Variants in GJC1 observed in about 807,000 individuals in gnomAD.
The protein encoded by GJC1 is gap junction gamma-1 protein.
In GJC1, 5 loss-of-function variants were observed where a neutral mutation model predicts 29.3. The observed-to-expected ratio is 0.17, with a 90% CI of 0.09 to 0.36. The LOEUF is 0.36. Among genes scored for constraint, GJC1 ranks in the 10% least tolerant of loss-of-function variants. The probability of loss-of-function intolerance (pLI) is 1.00; values close to 1 mark genes in which losing one functional copy is unlikely to be tolerated. For synonymous variants in GJC1, 177 were observed against 183.3 expected (o/e 0.97, Z 0.28); for missense variants, 310 against 496.2 (o/e 0.62, Z 3.56).
intron 1 of GJC1, among the ~76,000 whole-genome samples, chr17:44,821,402 C>T (rs1293403041): frequency 6.6e-6 from 1 of 152,042 alleles, no homozygotes; most frequent in East Asian, 1.9e-4. Flanking sequence ...TAAAAAAACC[C>T]AACCCATACC....
downstream of GJC1, chr17:44,794,321 T>A (rs1490497364): frequency 6.6e-6 from 1 of 152,262 alleles, no homozygotes; most frequent in Non-Finnish European, 1.5e-5. Flanking sequence ...CACTTCCCGA[T>A]GGTTTGAATG....
intron 1 of GJC1, among the ~76,000 whole-genome samples, chr17:44,814,327 A>C (rs1186587249): frequency 6.6e-6 from 1 of 151,338 alleles, no homozygotes; most frequent in Non-Finnish European, 1.5e-5. Context: ...TTTTTAGTAG[A>C]GATGGGGTTT....
At chr17:44,808,015 C>T (rs1255461003) in intron 1 of GJC1, 1 of 152,236 alleles carries the variant, frequency 6.6e-6, no homozygotes, top group Non-Finnish European at 1.5e-5. Flanking sequence ...AAAGAAAACA[C>T]CTGCATCTGT....
At position 44,804,480 on chromosome 17, in the gene GJC1, G is replaced by A. The variant is rs749291453; in HGVS notation, c.*147C>T. The A allele has an allele frequency of 1.6e-5, 10 of 642,342 alleles. No homozygotes were observed. The highest frequency in any genetic ancestry group is 6.1e-5 in the South Asian group (3 of 48,804). 39.8% of individuals were successfully genotyped at this position (642,342 alleles called of 1,614,324 possible). A position where few individuals can be genotyped will look rare whatever the true frequency, so the allele number is the denominator to read the frequency against. On this transcript the variant is annotated 3_prime_UTR_variant, in exon 3 of 3. Coordinates refer to ENST00000592524, the MANE Select transcript of GJC1 (RefSeq NM_005497.4). ...CCTTTCTCTCCCTCAGCCCAGCCCC[G>A]CCTCCAGAGTCCCCTGAGCTTGGAT...
intron 1 of GJC1, among the ~76,000 whole-genome samples, chr17:44,818,233 C>CA (rs1203754940): frequency 6.6e-6 from 1 of 151,796 alleles, no homozygotes; most frequent in African/African-American, 2.4e-5. Context: ...AACAAACAAA[C>CA]AAAAAAATGC....
intron 1 of GJC1, among the ~76,000 whole-genome samples, chr17:44,824,607 G>A (rs998095554): frequency 2.6e-5 from 4 of 151,948 alleles, no homozygotes; most frequent in African/African-American, 9.7e-5. Flanking sequence ...CAGACTGGGT[G>A]ACACAGTGAG....
chr17:44,804,986 G>A lies in GJC1; in HGVS notation c.832C>T (p.Pro278Ser). Residue 278 changes from proline to serine, a missense_variant, in exon 3 of 3, where the codon CCT (proline) becomes TCT (serine). Pro to Ser is a moderately conservative substitution (Grantham distance 74). This residue lies in a region of GJC1 where 146 missense variants were observed against 165.0 expected (regional missense o/e 0.88). Transcript: ENST00000592524. Reference protein sequence around the residue: ...ELEDPGAYNYPFTWNTPSAPP... With the variant: ...ELEDPGAYNYSFTWNTPSAPP... ...GCAGATGGTGTATTCCAAGTGAAAG[G>A]ATAATTATAAGCACCCGGATCCTCA... 1 of 1,614,040 alleles carries A rather than the reference G, an allele frequency of 6.2e-7. No individual in the cohort carries two copies. The highest frequency in any genetic ancestry group is 1.1e-5 in the South Asian group (1 of 91,084).
At chr17:44,797,182 T>C (rs1597734161), downstream of GJC1, among the ~76,000 whole-genome samples, 1 of 152,224 alleles carries the variant, frequency 6.6e-6, no homozygotes, top group South Asian at 2.1e-4. Flanking sequence ...CTTGGCTCAC[T>C]GCAAGCTTCG....
chr17:44,829,462 T>A (rs901254709), intron 1 of GJC1: 3 of 152,222 alleles, frequency 2.0e-5, no homozygotes, highest in African/African-American at 7.2e-5. Flanking sequence ...CAGGAGGCGA[T>A]GAGCCCAGTC....
In GJC1 at chr17:44,799,656, T is replaced by C. The variant is rs1211036660; in HGVS notation, c.*4971A>G. On this transcript the variant is annotated 3_prime_UTR_variant, in exon 3 of 3. Transcript: ENST00000592524. ...AAAACAGGCTGGGCACAGTGGCTTA[T>C]GCCTGTAATCCCAGCACCTTCGGAG... The C allele has an allele frequency of 1.3e-5, 2 of 152,362 alleles. No individual in the cohort carries two copies. Among genetic ancestry groups the C allele is most frequent in the East Asian group, 3.8e-4 (2 of 5,204 alleles). The allele number at this position is 152,362 out of a possible 1,614,324, so 9.4% of individuals were successfully genotyped here.
At chr17:44,813,869 A>C (rs1183969928) in intron 1 of GJC1, among the ~76,000 whole-genome samples, 1 of 152,016 alleles carries the variant, frequency 6.6e-6, no homozygotes, top group African/African-American at 2.4e-5. Context: ...GAACATTTTG[A>C]AAACATTAGT....
At chr17:44,812,408 C>T (rs1007412523) in intron 1 of GJC1, among the ~76,000 whole-genome samples, 6 of 152,128 alleles carry the variant, frequency 3.9e-5, no homozygotes, top group Non-Finnish European at 5.9e-5. Context: ...TGGAACGCTA[C>T]GCATGTGGGA....
At chr17:44,826,562 A>T (rs2050179586) in intron 1 of GJC1, among the ~76,000 whole-genome samples, 1 of 152,064 alleles carries the variant, frequency 6.6e-6, no homozygotes, top group South Asian at 2.1e-4. Flanking sequence ...TGCTATCTGC[A>T]AAGAGATCAT....
At chr17:44,826,119 A>G (rs1328405758) in intron 1 of GJC1, among the ~76,000 whole-genome samples, 2 of 152,036 alleles carry the variant, frequency 1.3e-5, no homozygotes, top group East Asian at 3.9e-4. Flanking sequence ...ATGGGATTTC[A>G]CCATGTTGGC....
At position 44,799,878 on chromosome 17, in the gene GJC1, C is replaced by T. The variant is rs2049822021; in HGVS notation, c.*4749G>A. On this transcript the variant is annotated 3_prime_UTR_variant, in exon 3 of 3. Transcript: ENST00000592524. The stretch of plus-strand genomic sequence containing the variant: ...AGGCTGTAGTGAGTTGAGATTGTGC[C>T]ATTGCACTCTAGCCTGGGCTCAAAA... 1.3e-5 allele frequency: 2 copies of T among 152,200 alleles called. No homozygotes were observed. The highest frequency in any genetic ancestry group is 4.8e-5 in the African/African-American group (2 of 41,438). The allele number at this position is 152,200 out of a possible 1,614,324, so 9.4% of individuals were successfully genotyped here. A position where few individuals can be genotyped will look rare whatever the true frequency, so the allele number is the denominator to read the frequency against.
chr17:44,826,349 G>T (rs148282375), intron 1 of GJC1, among the ~76,000 whole-genome samples: 1 of 151,970 alleles, frequency 6.6e-6, no homozygotes, highest in South Asian at 2.1e-4. Context: ...TGGTTAACAC[G>T]ATGAAACAGT....
At position 44,830,240 on chromosome 17, in the gene GJC1, GCCGCCGCCGCCGCCTCCCGCTC is replaced by G; in HGVS notation, c.-297_-276del. 1.2e-5 allele frequency: 2 copies of G among 160,206 alleles called. No individual in the cohort carries two copies. The highest frequency in any genetic ancestry group is 1.7e-4 in the South Asian group (1 of 5,798). 9.9% of individuals were successfully genotyped at this position (160,206 alleles called of 1,614,324 possible). A position where few individuals can be genotyped will look rare whatever the true frequency, so the allele number is the denominator to read the frequency against. On this transcript the variant is annotated 5_prime_UTR_variant, in exon 1 of 3. Transcript: ENST00000592524. This position sits in a 1 kb window ranked among gnomAD's most constrained non-coding sequence, Gnocchi z 4.3. ...GGCAGAAGCCGCTCCCGCCGCTGCC[GCCGCCGCCGCCGCCTCCCGCTC>G]CCGCCGCCGCGACCCGCGGGAAGGC... is the stretch of plus-strand genomic sequence containing the variant.
At chr17:44,825,129 C>T (rs1282590020) in intron 1 of GJC1, among the ~76,000 whole-genome samples, 1 of 129,142 alleles carries the variant, frequency 7.7e-6, no homozygotes, top group Admixed American at 9.1e-5. Flanking sequence ...GTGGAAGGAT[C>T]GCTTGAGAGC....
intron 1 of GJC1, among the ~76,000 whole-genome samples, chr17:44,811,951 C>T (rs1356844480): frequency 6.6e-6 from 1 of 150,882 alleles, no homozygotes; most frequent in Non-Finnish European, 1.5e-5. Context: ...TGCAGTGAGC[C>T]GAGATCGTCC....
Sources: allele counts gnomAD v4.1 joint callset (sites outside exome capture counted in the v4.1 genomes callset), GRCh38; gene constraint gnomAD v4.1.1; regional missense constraint gnomAD v4.1.1; non-coding constraint Gnocchi (gnomAD v3.1); transcripts MANE v1.5; gene names NCBI Gene and HGNC (gene_info 2026-07-23, HGNC 2026-07-21).